Variants in ARSG observed in about 807,000 individuals in gnomAD.
ARSG encodes the protein arylsulfatase G.
In ARSG, 37 loss-of-function variants were observed where a neutral mutation model predicts 50.5. The observed-to-expected ratio is 0.73, with a 90% CI of 0.56 to 0.96. ARSG has a LOEUF of 0.96. Ranked by LOEUF, ARSG falls within the 50% of genes least tolerant of loss-of-function variation. The pLI is 0.00. For synonymous variants in ARSG, 225 were observed against 254.6 expected (o/e 0.88, Z 1.11); for missense variants, 629 against 675.3 (o/e 0.93, Z 0.76).
At chr17:68,299,350 C>T (rs563679129) in intron 1 of ARSG, among the ~76,000 whole-genome samples, 2 of 152,070 alleles carry the variant, frequency 1.3e-5, no homozygotes, top group African/African-American at 2.4e-5. Context: ...GGTGATCTGC[C>T]CACCTCGGCC....
intron 2 of ARSG, among the ~76,000 whole-genome samples, chr17:68,327,434 C>G (rs1017877354): frequency 6.6e-6 from 1 of 152,198 alleles, no homozygotes; most frequent in African/African-American, 2.4e-5. Context: ...CCTTCCTTTC[C>G]TCTTCCAGCT....
intron 1 of ARSG, among the ~76,000 whole-genome samples, chr17:68,297,859 A>G (rs1205174706): frequency 8.5e-5 from 13 of 152,138 alleles, no homozygotes; most frequent in Admixed American, 2.6e-4. Flanking sequence ...CCTCAAAACA[A>G]TCAAGAGATG....
intron 11 of ARSG, among the ~76,000 whole-genome samples, chr17:68,408,695 G>A (rs1388689314): frequency 2.6e-5 from 4 of 151,882 alleles, no homozygotes; most frequent in Admixed American, 1.3e-4. Context: ...CTGAGGAATC[G>A]CCACACTGAC....
rs948749720 is a variant in ARSG at position 68,346,725 on chromosome 17, C to T, written c.407-400C>T. ...AGGCAGGAAGCGGGCATTTCTGAGACGATGTGGGGCGGTGCACCTGCACCC... is the reference window on the plus strand; with the variant it reads ...AGGCAGGAAGCGGGCATTTCTGAGATGATGTGGGGCGGTGCACCTGCACCC... On this transcript the variant is annotated intron_variant, in intron 3 of 11. Coordinates refer to ENST00000621439, the MANE Select transcript of ARSG (RefSeq NM_001267727.2). 65 of 1,242,932 alleles carry T rather than the reference C, an allele frequency of 5.2e-5. 1 individual carries two copies. In the Admixed American group the frequency reaches 8.9e-4, roughly 17 times the overall value. The allele number at this position is 1,242,932 out of a possible 1,614,324, so 77.0% of individuals were successfully genotyped here.
At chr17:68,368,871 G>T (rs2079682492) in intron 7 of ARSG, 127 bp downstream of exon 7, 3 of 1,076,588 alleles carry the variant, frequency 2.8e-6, no homozygotes, top group Non-Finnish European at 4.0e-6. Flanking sequence ...TGAACTTGTG[G>T]CCCAGATAAG....
In ARSG at chr17:68,399,060, A is replaced by G. The variant is rs2081367536; in HGVS notation, c.1213-2300A>G. ...GTCATGATCAGGTCCAGAAATTGTC[A>G]ACGAAGGAACGTTTCCCCTAACAGC... On this transcript the variant is annotated intron_variant, in intron 10 of 11. Transcript: ENST00000621439. The surrounding 1 kb of genome is among the most constrained non-coding windows in gnomAD (Gnocchi z 4.6). Among the ~76,000 whole-genome samples the G allele has an allele frequency of 6.6e-6, 1 of 152,248 alleles. No homozygotes were observed. The highest frequency in any genetic ancestry group is 1.5e-5 in the Non-Finnish European group (1 of 68,020).
chr17:68,346,648 G>T, intron 3 of ARSG: 1 of 1,079,800 alleles, frequency 9.3e-7, no homozygotes, highest in East Asian at 6.0e-5. Context: ...AGGTGTCTCG[G>T]TGCTTGAACT....
At chr17:68,312,352 C>G (rs1477285205) in intron 2 of ARSG, among the ~76,000 whole-genome samples, 1 of 152,176 alleles carries the variant, frequency 6.6e-6, no homozygotes. Flanking sequence ...TGTAGGAATA[C>G]TTTTCTGGGG....
downstream of ARSG, chr17:68,427,178 C>G (rs762158869): frequency 6.3e-5 from 101 of 1,613,942 alleles, no homozygotes; most frequent in Non-Finnish European, 3.6e-5. Context: ...TGGCTACGGT[C>G]GCTGCATAAG....
chr17:68,320,512 C>A (rs1181429162), intron 2 of ARSG, among the ~76,000 whole-genome samples: 1 of 152,174 alleles, frequency 6.6e-6, no homozygotes, highest in Admixed American at 6.5e-5. Context: ...GTGCTGGGAA[C>A]ACAGCTGTGA....
chr17:68,264,174 T>C (rs531989839), intron 1 of ARSG, among the ~76,000 whole-genome samples: 10 of 152,304 alleles, frequency 6.6e-5, no homozygotes, highest in Admixed American at 2.6e-4. Flanking sequence ...AGGATCATGA[T>C]GATTTCTGAT....
downstream of ARSG, chr17:68,421,627 C>T (rs1869234347): frequency 2.6e-6 from 3 of 1,136,814 alleles, no homozygotes; most frequent in Admixed American, 5.6e-5. Context: ...AGGAGTTAAC[C>T]AGGTCCTGTG....
chr17:68,322,668 C>T (rs572430908), intron 2 of ARSG, among the ~76,000 whole-genome samples: 1 of 151,948 alleles, frequency 6.6e-6, no homozygotes, highest in South Asian at 2.1e-4. Flanking sequence ...GATAGCTGTT[C>T]CCAAGATGAG....
intron 11 of ARSG, among the ~76,000 whole-genome samples, chr17:68,409,689 T>C (rs2081915044): frequency 6.7e-6 from 1 of 149,086 alleles, no homozygotes; most frequent in Admixed American, 6.7e-5. Context: ...GGGGATGGCA[T>C]TGAATCTGTA....
intron 4 of ARSG, among the ~76,000 whole-genome samples, chr17:68,347,488 A>G (rs1297278742): frequency 1.3e-5 from 2 of 152,148 alleles, no homozygotes; most frequent in Non-Finnish European, 2.9e-5. Context: ...TGAGGTCCAG[A>G]CATGGCTAAT....
chr17:68,310,419 T>C (rs2076805363), intron 2 of ARSG, among the ~76,000 whole-genome samples: 1 of 152,226 alleles, frequency 6.6e-6, no homozygotes, highest in Non-Finnish European at 1.5e-5. Flanking sequence ...TAAGGCATAC[T>C]GAACTCTAAG....
intron 11 of ARSG, among the ~76,000 whole-genome samples, chr17:68,417,134 G>A (rs1025771289): frequency 1.3e-5 from 2 of 152,128 alleles, no homozygotes; most frequent in Non-Finnish European, 2.9e-5. Context: ...GTTTTGGTGA[G>A]CCTGGGCCCT....
chr17:68,353,759 TAGCACAATCTCTG>T (rs1353581883), intron 5 of ARSG, among the ~76,000 whole-genome samples: 2 of 152,212 alleles, frequency 1.3e-5, no homozygotes, highest in African/African-American at 4.8e-5. Flanking sequence ...TGGAGTGCAG[TAGCACAATCTCTG>T]ATCATTACAA....
upstream of ARSG, among the ~76,000 whole-genome samples, chr17:68,287,454 C>G (rs927839703): frequency 1.3e-5 from 2 of 152,034 alleles, no homozygotes; most frequent in Non-Finnish European, 2.9e-5. Flanking sequence ...GCCACCTCAC[C>G]TAGCCAGATG....
Sources: allele counts gnomAD v4.1 joint callset (sites outside exome capture counted in the v4.1 genomes callset), GRCh38; gene constraint gnomAD v4.1.1; non-coding constraint Gnocchi (gnomAD v3.1); transcripts MANE v1.5; gene names NCBI Gene and HGNC (gene_info 2026-07-23, HGNC 2026-07-21).